Variants in SNX3 observed in about 807,000 individuals in gnomAD.
SNX3 encodes the protein sorting nexin 3, also known as sorting nexin-3.
SNX3 carries 5 observed loss-of-function variants against 17.7 expected under a neutral mutation model. The observed-to-expected ratio is 0.28, with a 90% CI of 0.15 to 0.59. The LOEUF is 0.59. Ranked by LOEUF, SNX3 falls within the 20% of genes least tolerant of loss-of-function variation. SNX3 has a pLI of 0.88. For missense variants in SNX3, 132 were observed against 206.8 expected, an observed-to-expected ratio of 0.64 and a Z score of 2.22; for synonymous variants, 91 against 76.5, an observed-to-expected ratio of 1.19 and a Z score of -0.99.
At chr6:108,257,825 G>A (rs1776074507) in intron 1 of SNX3, among the ~76,000 whole-genome samples, 2 of 152,034 alleles carry the variant, frequency 1.3e-5, no homozygotes, top group African/African-American at 2.4e-5. Context: ...TTAGCTGGGC[G>A]TGGTGGCGCG....
chr6:108,235,210 C>T (rs535864702), intron 1 of SNX3, among the ~76,000 whole-genome samples: 2 of 152,340 alleles, frequency 1.3e-5, no homozygotes, highest in Admixed American at 6.5e-5. Flanking sequence ...AAGACATTCT[C>T]TCTTGCGATC....
At chr6:108,245,888 G>C (rs930851100) in intron 1 of SNX3, among the ~76,000 whole-genome samples, 2 of 152,142 alleles carry the variant, frequency 1.3e-5, no homozygotes, top group African/African-American at 4.8e-5. Flanking sequence ...CTCCCATTCT[G>C]TAGGTTGCCT....
chr6:108,253,413 T>A lies in SNX3; in HGVS notation c.162+7347A>T, dbSNP rs184191583. 8.0e-3 allele frequency among the ~76,000 whole-genome samples: 1,201 copies of A among 150,360 alleles called. 11 individuals are homozygous for A. Among genetic ancestry groups the A allele is most frequent in the Non-Finnish European group, 0.014 (919 of 67,588 alleles). On this transcript the variant is annotated intron_variant, in intron 1 of 3. Transcript: ENST00000230085. Reference sequence around the variant, plus strand: ...TATGTCTTTTTTTTTTTTTTTTTTTTACTTCTGGCTTACTTTCATGATTAT... The same window carrying A: ...TATGTCTTTTTTTTTTTTTTTTTTTAACTTCTGGCTTACTTTCATGATTAT...
At chr6:108,244,646 A>AAT (rs1775626249) in intron 1 of SNX3, among the ~76,000 whole-genome samples, 4 of 119,262 alleles carry the variant, frequency 3.4e-5, no homozygotes, top group African/African-American at 1.3e-4. Flanking sequence ...ATAAGTAAGG[A>AAT]GTTTTTTTTT....
At position 108,260,948 on chromosome 6, in the gene SNX3, G is replaced by C; in HGVS notation, c.-27C>G. On this transcript the variant is annotated 5_prime_UTR_variant, in exon 1 of 4. Transcript: ENST00000230085. ...TCGCTGTAGCTGCTGCCGCCGCCGC[G>C]GGCTCCCTCCGCCCCCTCCGCGTTC... The C allele has an allele frequency of 6.5e-7, 1 of 1,540,150 alleles. No individual in the cohort carries two copies. The highest frequency in any genetic ancestry group is 8.7e-7 in the Non-Finnish European group (1 of 1,145,762).
chr6:108,241,669 G>T (rs1452151969), intron 1 of SNX3, among the ~76,000 whole-genome samples: 2 of 151,990 alleles, frequency 1.3e-5, no homozygotes, highest in Non-Finnish European at 2.9e-5. Flanking sequence ...GACTTAATGT[G>T]GGCAAGTCCC....
At position 108,211,653 on chromosome 6, in the gene SNX3, C is replaced by T. The variant is rs959367140; in HGVS notation, c.*496G>A. ...TTAATCTTCCATGTGAAGGGTATTA[C>T]AAGCCTGGAGGAAGATACTTTCTGC... On this transcript the variant is annotated 3_prime_UTR_variant, in exon 4 of 4. Coordinates refer to ENST00000230085, the MANE Select transcript of SNX3 (RefSeq NM_003795.6). The T allele has an allele frequency of 5.9e-5, 9 of 152,636 alleles. No homozygotes were observed. The highest frequency in any genetic ancestry group is 3.9e-4 in the Admixed American group (6 of 15,282). The allele number at this position is 152,636 out of a possible 1,614,324, so 9.5% of individuals were successfully genotyped here. A position where few individuals can be genotyped will look rare whatever the true frequency, so the allele number is the denominator to read the frequency against.
intron 1 of SNX3, among the ~76,000 whole-genome samples, chr6:108,253,377 A>AAATGAATACAT (rs1775925997): frequency 1.3e-5 from 2 of 151,766 alleles, no homozygotes; most frequent in Admixed American, 1.3e-4. Flanking sequence ...TTCCTTTCTT[A>AAATGAATACAT]AATGAATACA....
At chr6:108,220,813 A>G (rs1247092200) in intron 2 of SNX3, among the ~76,000 whole-genome samples, 2 of 152,004 alleles carry the variant, frequency 1.3e-5, no homozygotes, top group African/African-American at 4.8e-5. Flanking sequence ...CCCCATCTCT[A>G]CTAAAAATAT....
chr6:108,257,387 C>A (rs938969204), intron 1 of SNX3, among the ~76,000 whole-genome samples: 4 of 152,042 alleles, frequency 2.6e-5, no homozygotes, highest in Admixed American at 2.0e-4. Flanking sequence ...TATAGTAGTA[C>A]CCTGTAGTCC....
chr6:108,222,286 T>C (rs1257895375), intron 2 of SNX3: 2 of 1,304,292 alleles, frequency 1.5e-6, no homozygotes, highest in Non-Finnish European at 2.0e-6. Context: ...CGTCCTTCCA[T>C]GACTCCTTGC....
intron 1 of SNX3, among the ~76,000 whole-genome samples, chr6:108,243,973 T>C (rs1051480410): frequency 2.6e-5 from 4 of 152,112 alleles, no homozygotes; most frequent in African/African-American, 4.8e-5. Context: ...GAAAATTACA[T>C]ACCCTGCAAA....
intron 1 of SNX3, among the ~76,000 whole-genome samples, chr6:108,224,119 G>C (rs994147930): frequency 2.6e-5 from 4 of 151,918 alleles, no homozygotes; most frequent in Admixed American, 2.6e-4. Context: ...CTATCACACT[G>C]CCCGTTGATG....
chr6:108,219,664 T>A (rs1032568229), intron 2 of SNX3, among the ~76,000 whole-genome samples: 1 of 152,236 alleles, frequency 6.6e-6, no homozygotes, highest in African/African-American at 2.4e-5. Flanking sequence ...TAGTGAGATA[T>A]AAATCTTTAT....
At chr6:108,216,604 CAAGGAG>C (rs1774586766) in intron 2 of SNX3, among the ~76,000 whole-genome samples, 1 of 152,118 alleles carries the variant, frequency 6.6e-6, no homozygotes, top group Non-Finnish European at 1.5e-5. Context: ...ACAATCAGAA[CAAGGAG>C]AAATATATAT....
At chr6:108,245,016 A>G (rs1775640748) in intron 1 of SNX3, among the ~76,000 whole-genome samples, 2 of 152,068 alleles carry the variant, frequency 1.3e-5, no homozygotes, top group Admixed American at 1.3e-4. Context: ...ATAGGTATAC[A>G]TGTGCCATGG....
rs1208303959 is a variant in SNX3, at chr6:108,250,156, C to T, written c.162+10604G>A. Reference sequence around the variant, plus strand: ...GAACTCCTGACCTCAAGTGATCCACCCACCTCAGACTCCCAAAGTGCTGGA... The same window carrying T: ...GAACTCCTGACCTCAAGTGATCCACTCACCTCAGACTCCCAAAGTGCTGGA... On this transcript the variant is annotated intron_variant, in intron 1 of 3. Transcript: ENST00000230085. 3.3e-5 allele frequency among the ~76,000 whole-genome samples: 5 copies of T among 152,246 alleles called. No individual in the cohort carries two copies. In the East Asian group the frequency reaches 9.6e-4, roughly 29 times the overall value.
intron 1 of SNX3, among the ~76,000 whole-genome samples, chr6:108,235,864 G>A (rs565985307): frequency 2.0e-5 from 3 of 152,192 alleles, no homozygotes; most frequent in South Asian, 2.1e-4. Flanking sequence ...CTCCAGCCTC[G>A]GCGACAGAGT....
At chr6:108,225,804 G>A (rs115100529) in intron 1 of SNX3, among the ~76,000 whole-genome samples, 3,747 of 152,122 alleles carry the variant, frequency 0.025, 114 homozygotes, top group South Asian at 0.086. Flanking sequence ...GGGAGGCTGA[G>A]ATGGGAGGAC....
Sources: allele counts gnomAD v4.1 joint callset (sites outside exome capture counted in the v4.1 genomes callset), GRCh38; gene constraint gnomAD v4.1.1; transcripts MANE v1.5; gene names NCBI Gene and HGNC (gene_info 2026-07-23, HGNC 2026-07-21).